The following GPC6 variants were observed in gnomAD, a reference collection of about 807,000 sequenced individuals.
The protein encoded by GPC6 is glypican-6.
Under a neutral mutation model 55.2 loss-of-function variants are expected in GPC6, and 14 were observed. That is an observed-to-expected ratio of 0.25 (90% CI 0.17 to 0.40). GPC6 has a LOEUF of 0.40. Among genes scored for constraint, GPC6 ranks in the 10% least tolerant of loss-of-function variants. The pLI is 1.00. For synonymous variants in GPC6, 278 were observed against 259.6 expected (o/e 1.07, Z -0.68); for missense variants, 641 against 708.5 (o/e 0.90, Z 1.08).
chr13:94,369,280 C>T (rs888288169), intron 6 of GPC6, among the ~76,000 whole-genome samples: 3 of 152,108 alleles, frequency 2.0e-5, no homozygotes, highest in African/African-American at 7.2e-5. Flanking sequence ...GGTGGATTTG[C>T]GTCCAGAGAT....
intron 3 of GPC6, among the ~76,000 whole-genome samples, chr13:93,965,219 G>C (rs1879987617): frequency 6.8e-6 from 1 of 148,070 alleles, no homozygotes; most frequent in African/African-American, 2.5e-5. Context: ...AGACCATCCT[G>C]GCTAACACGG....
intron 1 of GPC6, among the ~76,000 whole-genome samples, chr13:93,401,479 T>A (rs1876074682): frequency 6.6e-6 from 1 of 151,784 alleles, no homozygotes; most frequent in Admixed American, 6.6e-5. Flanking sequence ...TAAAAGAGAA[T>A]TATTGCAATT....
At chr13:93,488,844 G>A (rs1280891003) in intron 1 of GPC6, among the ~76,000 whole-genome samples, 1 of 151,960 alleles carries the variant, frequency 6.6e-6, no homozygotes. Flanking sequence ...ACGTGTGTTT[G>A]AATTCTTTGT....
At chr13:93,662,249 C>T (rs550524145) in intron 2 of GPC6, among the ~76,000 whole-genome samples, 6 of 152,190 alleles carry the variant, frequency 3.9e-5, no homozygotes, top group African/African-American at 1.2e-4. Flanking sequence ...GTAAGTCACT[C>T]GGGCTAATGT....
chr13:94,069,407 C>T (rs1884649604), intron 4 of GPC6, among the ~76,000 whole-genome samples: 2 of 152,170 alleles, frequency 1.3e-5, no homozygotes, highest in Admixed American at 6.5e-5. Flanking sequence ...CAGCAAAGTT[C>T]TCTGACATAC....
chr13:93,240,917 C>T (rs1051452964), intron 1 of GPC6, among the ~76,000 whole-genome samples: 1 of 152,088 alleles, frequency 6.6e-6, no homozygotes, highest in African/African-American at 2.4e-5. Context: ...TTGCACCATA[C>T]AAAATTCTTG....
intron 3 of GPC6, among the ~76,000 whole-genome samples, chr13:93,894,927 G>A (rs920290099): frequency 2.6e-4 from 39 of 151,784 alleles, no homozygotes; most frequent in African/African-American, 7.7e-4. Context: ...TCTGAAATAC[G>A]TATTTCTCAA....
At chr13:94,339,074 T>A (rs913220191) in intron 6 of GPC6, among the ~76,000 whole-genome samples, 12 of 152,068 alleles carry the variant, frequency 7.9e-5, no homozygotes, top group Non-Finnish European at 1.8e-4. Context: ...TTTCCTTTTT[T>A]TTTTTTAAGA....
intron 2 of GPC6, among the ~76,000 whole-genome samples, chr13:93,806,298 A>G (rs1325992756): frequency 6.6e-5 from 10 of 152,064 alleles, no homozygotes; most frequent in Non-Finnish European, 1.3e-4. Context: ...AGCAATGGGG[A>G]CAACGTATAA....
At chr13:93,391,293 G>A (rs1004863295) in intron 1 of GPC6, among the ~76,000 whole-genome samples, 1 of 152,048 alleles carries the variant, frequency 6.6e-6, no homozygotes, top group African/African-American at 2.4e-5. Flanking sequence ...AATTTAACTT[G>A]TCCTTTTTCA....
At chr13:93,769,433 C>CAAA (rs11423382) in intron 2 of GPC6, among the ~76,000 whole-genome samples, 5 of 133,682 alleles carry the variant, frequency 3.7e-5, no homozygotes, top group African/African-American at 5.7e-5. Context: ...CTGCACGTGA[C>CAAA]AAAAAAAAAA....
chr13:93,885,567 T>C (rs1204018339), intron 3 of GPC6, among the ~76,000 whole-genome samples: 1 of 151,984 alleles, frequency 6.6e-6, no homozygotes, highest in Non-Finnish European at 1.5e-5. Flanking sequence ...CAAGGGACGT[T>C]TCTTAGAAGT....
chr13:93,735,416 C>T (rs1883964124), intron 2 of GPC6, among the ~76,000 whole-genome samples: 1 of 151,828 alleles, frequency 6.6e-6, no homozygotes, highest in African/African-American at 2.4e-5. Context: ...GCCTGTAGAC[C>T]CAGCTACTGA....
chr13:93,573,782 A>T (rs894242179), intron 2 of GPC6, among the ~76,000 whole-genome samples: 7 of 152,154 alleles, frequency 4.6e-5, no homozygotes, highest in African/African-American at 1.7e-4. Flanking sequence ...TATACCAATT[A>T]ATACTGATAA....
chr13:93,505,310 A>G (rs1880666786), intron 1 of GPC6, among the ~76,000 whole-genome samples: 2 of 152,236 alleles, frequency 1.3e-5, no homozygotes, highest in South Asian at 2.1e-4. Flanking sequence ...CTCCTGGGGG[A>G]AATACATGGT....
intron 1 of GPC6, among the ~76,000 whole-genome samples, chr13:93,436,943 T>C (rs1029974618): frequency 1.2e-4 from 18 of 152,170 alleles, no homozygotes; most frequent in African/African-American, 4.3e-4. Flanking sequence ...TGAATTAGTC[T>C]GTTGGTGCCA....
chr13:93,951,383 T>C (rs1445824741), intron 3 of GPC6, among the ~76,000 whole-genome samples: 3 of 152,158 alleles, frequency 2.0e-5, no homozygotes, highest in African/African-American at 7.2e-5. Flanking sequence ...TAACTCAATT[T>C]TGCCATCTTC....
intron 5 of GPC6, among the ~76,000 whole-genome samples, chr13:94,294,003 C>T (rs149877043): frequency 2.4e-4 from 36 of 152,286 alleles, no homozygotes; most frequent in Non-Finnish European, 4.7e-4. Flanking sequence ...TCACCAATTT[C>T]AATCCTCATC....
intron 7 of GPC6, among the ~76,000 whole-genome samples, chr13:94,383,343 A>G (rs1880259726): frequency 6.6e-6 from 1 of 152,110 alleles, no homozygotes. Flanking sequence ...TTGAGGATTG[A>G]CCAGTGGGTG....
Sources: gnomAD v4.1 joint callset for allele counts (sites outside exome capture counted in the v4.1 genomes callset) on GRCh38, gnomAD v4.1.1 for gene constraint, MANE v1.5 for transcripts, NCBI Gene and HGNC (gene_info 2026-07-23, HGNC 2026-07-21) for gene names.